EFCAB11: variants seen among roughly 807,000 people sequenced by gnomAD.
EFCAB11 encodes EF-hand calcium-binding domain-containing protein 11.
In EFCAB11, 14 loss-of-function variants were observed where a neutral mutation model predicts 23.0. That is an observed-to-expected ratio of 0.61 (90% CI 0.40 to 0.95). The LOEUF is 0.95. EFCAB11 is among the 40% of genes least tolerant of loss of function. The pLI is 0.00. For missense variants in EFCAB11, 198 were observed against 195.8 expected (o/e 1.01, Z -0.07); for synonymous variants, 65 against 66.6 (o/e 0.98, Z 0.11).
intron 5 of EFCAB11, among the ~76,000 whole-genome samples, chr14:89,907,801 G>T (rs553612759): frequency 2.0e-5 from 3 of 152,302 alleles, no homozygotes; most frequent in Non-Finnish European, 2.9e-5. Context: ...GAGTCAGACT[G>T]TCTGGTCCAA....
Position 89,951,664 on chromosome 14 carries a change from T to C in EFCAB11, c.172-1522A>G, listed in dbSNP as rs561032658. On this transcript the variant is annotated intron_variant, in intron 2 of 5. Transcript: ENST00000316738. ...AGCTTATGCCTGTAATCCCAGCACT[T>C]TGGGAGGCTGAGGTGGGCGGATCAC... Among the ~76,000 whole-genome samples, 488 of 151,984 alleles carry C rather than the reference T, an allele frequency of 3.2e-3. 3 individuals are homozygous for C. The highest frequency in any genetic ancestry group is 0.011 in the African/African-American group (462 of 41,466).
In EFCAB11 at chr14:89,914,206, C is replaced by A. The variant is rs1346635260; in HGVS notation, c.410+17335G>T. ...AGTTCTTTACAAAATCCTTGTGGAACTTTACAACCTGGAAACATCTTCTCA... is the reference window on the plus strand; with the variant it reads ...AGTTCTTTACAAAATCCTTGTGGAAATTTACAACCTGGAAACATCTTCTCA... On this transcript the variant is annotated intron_variant, in intron 5 of 5. Transcript: ENST00000316738. Among the ~76,000 whole-genome samples the A allele has an allele frequency of 3.9e-5, 6 of 152,182 alleles. No homozygotes were observed. In the East Asian group the frequency reaches 1.2e-3, roughly 29 times the overall value.
intron 3 of EFCAB11, among the ~76,000 whole-genome samples, chr14:89,939,324 A>G (rs1157638489): frequency 6.6e-6 from 1 of 152,152 alleles, no homozygotes; most frequent in East Asian, 1.9e-4. Context: ...TGTTAATGGG[A>G]GGACTGCATT....
intron 5 of EFCAB11, among the ~76,000 whole-genome samples, chr14:89,825,931 T>TGA (rs1244219404): frequency 2.0e-5 from 3 of 152,158 alleles, no homozygotes; most frequent in Non-Finnish European, 4.4e-5. Flanking sequence ...CCCAGGATCA[T>TGA]TCAATCAACA....
chr14:89,942,153 C>T (rs935412012), intron 3 of EFCAB11, among the ~76,000 whole-genome samples: 1 of 152,188 alleles, frequency 6.6e-6, no homozygotes, highest in Non-Finnish European at 1.5e-5. Flanking sequence ...CCTGTTAAGT[C>T]TGTGGAACTG....
At chr14:89,954,394 G>T (rs1425868319) in intron 1 of EFCAB11, 192 bp downstream of exon 1, 2 of 1,536,284 alleles carry the variant, frequency 1.3e-6, no homozygotes, top group Admixed American at 3.9e-5. Context: ...ATGGAACTTG[G>T]AGGTAGCCGT....
In EFCAB11 at chr14:89,902,554, A is replaced by C. The variant is rs528579673; in HGVS notation, c.410+28987T>G. Among the ~76,000 whole-genome samples, 3 of 152,268 alleles carry C rather than the reference A, an allele frequency of 2.0e-5. No homozygotes were observed. The South Asian group carries it at 6.2e-4, about 32-fold the overall frequency. On this transcript the variant is annotated intron_variant, in intron 5 of 5. Transcript: ENST00000316738. Reference sequence around the variant, plus strand: ...ATGCCAGCCCAATTTAAAATCCTTAATCTCAAGGCTTCCAAGAATATAACA... The same window carrying C: ...ATGCCAGCCCAATTTAAAATCCTTACTCTCAAGGCTTCCAAGAATATAACA...
intron 5 of EFCAB11, chr14:89,832,936 G>GC (rs767398466): frequency 2.2e-4 from 33 of 152,090 alleles, no homozygotes; most frequent in Admixed American, 3.3e-4. Flanking sequence ...CATAGGTAAT[G>GC]CCAGAAGATC....
rs796184676 is a variant in EFCAB11 at position 89,834,402 on chromosome 14, A to C, written c.411-37078T>G. Among the ~76,000 whole-genome samples, 13 of 148,020 alleles carry C rather than the reference A, an allele frequency of 8.8e-5. 2 individuals carry two copies. The East Asian group carries it at 1.4e-3, about 16-fold the overall frequency. ...AAAAAAAAAAAAAAAAAAAAAAAAA[A>C]ACCTTTTTGTTTAAACTTCTAAAGA... On this transcript the variant is annotated intron_variant, in intron 5 of 5. Transcript: ENST00000316738.
In EFCAB11 at chr14:89,931,723, T is replaced by C. The variant is rs1387283091; in HGVS notation, c.320-92A>G. 7 of 992,428 alleles carry C rather than the reference T, an allele frequency of 7.1e-6. No homozygotes were observed. In the East Asian group the frequency reaches 1.3e-4, roughly 18 times the overall value. The allele number at this position is 992,428 out of a possible 1,614,324, so 61.5% of individuals were successfully genotyped here. The stretch of plus-strand genomic sequence containing the variant: ...AACATTTGTGCAAAACTTATTTTAA[T>C]ATATTACTAGGAGAAAAGCAGTAGT... On this transcript the variant is annotated intron_variant, in intron 4 of 5. Transcript: ENST00000316738.
intron 3 of EFCAB11, among the ~76,000 whole-genome samples, chr14:89,936,246 C>T (rs536166908): frequency 6.6e-6 from 1 of 152,286 alleles, no homozygotes; most frequent in African/African-American, 2.4e-5. Context: ...GAAAAAAGCA[C>T]AATTCCTGGT....
chr14:89,880,719 T>C (rs1461049604), intron 5 of EFCAB11, among the ~76,000 whole-genome samples: 2 of 152,354 alleles, frequency 1.3e-5, no homozygotes, highest in South Asian at 2.1e-4. Flanking sequence ...GAGAGGCAGT[T>C]AGTGTAGCTG....
intron 5 of EFCAB11, among the ~76,000 whole-genome samples, chr14:89,825,474 C>T (rs1481682574): frequency 2.0e-5 from 3 of 151,800 alleles, no homozygotes; most frequent in East Asian, 3.9e-4. Flanking sequence ...TAACAAGTAA[C>T]AATGGCAAAA....
chr14:89,921,653 C>T (rs1235747307), intron 5 of EFCAB11, among the ~76,000 whole-genome samples: 4 of 151,970 alleles, frequency 2.6e-5, no homozygotes, highest in South Asian at 2.1e-4. Flanking sequence ...TGGAGGAGAA[C>T]GATGGGGTAG....
intron 1 of EFCAB11, 125 bp downstream of exon 1, chr14:89,954,461 C>T: frequency 1.3e-6 from 2 of 1,538,732 alleles, no homozygotes; most frequent in Non-Finnish European, 1.7e-6. Context: ...TTAACCACGA[C>T]CCTTTGGACA....
At chr14:89,808,263 A>G (rs1223585301) in intron 5 of EFCAB11, among the ~76,000 whole-genome samples, 2 of 152,210 alleles carry the variant, frequency 1.3e-5, no homozygotes, top group Non-Finnish European at 2.9e-5. Context: ...TAAGGCCTGT[A>G]TAGGACCTTA....
intron 5 of EFCAB11, among the ~76,000 whole-genome samples, chr14:89,912,677 T>C (rs1337339670): frequency 6.6e-6 from 1 of 152,250 alleles, no homozygotes; most frequent in Non-Finnish European, 1.5e-5. Context: ...TTTAGTACTT[T>C]CTATGTGCGA....
rs796509548 is a variant in EFCAB11, at chr14:89,798,990, T to C, written c.411-1666A>G. On this transcript the variant is annotated intron_variant, in intron 5 of 5. Coordinates refer to ENST00000316738, the MANE Select transcript of EFCAB11 (RefSeq NM_145231.4). ...TTTTGGTAAAGATGGGGTTTCACTATGTTGGCGAGGCTGGTCTCGAACTCC... is the reference window on the plus strand; with the variant it reads ...TTTTGGTAAAGATGGGGTTTCACTACGTTGGCGAGGCTGGTCTCGAACTCC... Among the ~76,000 whole-genome samples, 4 of 152,162 alleles carry C rather than the reference T, an allele frequency of 2.6e-5. 1 individual carries two copies. The highest frequency in any genetic ancestry group is 9.7e-5 in the African/African-American group (4 of 41,450).
chr14:89,878,854 C>T (rs183986580), intron 5 of EFCAB11, among the ~76,000 whole-genome samples: 75 of 151,152 alleles, frequency 5.0e-4, no homozygotes, highest in Non-Finnish European at 1.0e-3. Context: ...CTTTACAAGA[C>T]ACATGTCTCT....
Sources: allele counts gnomAD v4.1 joint callset (sites outside exome capture counted in the v4.1 genomes callset), GRCh38; gene constraint gnomAD v4.1.1; transcripts MANE v1.5; gene names NCBI Gene and HGNC (gene_info 2026-07-23, HGNC 2026-07-21).